TAF3: variants seen among roughly 807,000 people sequenced by gnomAD.
The protein encoded by TAF3 is TATA-box binding protein associated factor 3.
In TAF3, 7 loss-of-function variants were observed where a neutral mutation model predicts 80.6. That is an observed-to-expected ratio of 0.09 (90% CI 0.05 to 0.16). TAF3 has a LOEUF of 0.16. TAF3 is among the 10% of genes least tolerant of loss of function. TAF3 has a pLI of 1.00. For missense variants in TAF3, 921 were observed against 1,140.2 expected, an observed-to-expected ratio of 0.81 and a Z score of 2.77; for synonymous variants, 444 against 446.1, an observed-to-expected ratio of 1.00 and a Z score of 0.06.
At chr10:7,880,218 A>T (rs1291032677) in intron 2 of TAF3, among the ~76,000 whole-genome samples, 2 of 152,206 alleles carry the variant, frequency 1.3e-5, no homozygotes, top group African/African-American at 4.8e-5. Flanking sequence ...AGCCTGGGTG[A>T]CAGAGTGAAA....
chr10:7,923,142 C>G (rs1043311810), intron 2 of TAF3, among the ~76,000 whole-genome samples: 26 of 152,022 alleles, frequency 1.7e-4, no homozygotes, highest in African/African-American at 5.6e-4. Context: ...ACAGAACTCT[C>G]CAATAGCAAA....
intron 3 of TAF3, 130 bp from the exon 4 acceptor site, chr10:7,977,111 G>A (rs1368282783): frequency 9.1e-6 from 7 of 767,510 alleles, no homozygotes; most frequent in Non-Finnish European, 1.5e-5. Flanking sequence ...TTGTCTTTCT[G>A]TCTAAATTTT....
chr10:7,881,215 G>A (rs1029128016), intron 2 of TAF3, among the ~76,000 whole-genome samples: 2 of 151,340 alleles, frequency 1.3e-5, no homozygotes, highest in African/African-American at 4.9e-5. Flanking sequence ...ACTCCAGCCT[G>A]GGCTACAGAA....
chr10:7,874,999 G>T (rs1468314090), intron 2 of TAF3, among the ~76,000 whole-genome samples: 1 of 152,016 alleles, frequency 6.6e-6, no homozygotes, highest in South Asian at 2.1e-4. Context: ...CCTTCAAAAT[G>T]TGCTGTTTTT....
intron 2 of TAF3, among the ~76,000 whole-genome samples, chr10:7,928,844 A>G (rs1837840969): frequency 6.6e-6 from 1 of 152,172 alleles, no homozygotes; most frequent in Non-Finnish European, 1.5e-5. Flanking sequence ...CTTCTTGAAG[A>G]CTGACCTCTG....
intron 2 of TAF3, among the ~76,000 whole-genome samples, chr10:7,858,355 AT>A (rs945368619): frequency 2.6e-5 from 4 of 152,134 alleles, no homozygotes; most frequent in African/African-American, 9.7e-5. Flanking sequence ...CTGTTCCTGA[AT>A]TGTATGTTTA....
At chr10:7,873,652 G>A (rs981287746) in intron 2 of TAF3, among the ~76,000 whole-genome samples, 1 of 119,690 alleles carries the variant, frequency 8.4e-6, no homozygotes, top group Admixed American at 8.1e-5. Context: ...TGTCGAATTT[G>A]AGGGGAGTCC....
Position 7,988,276 on chromosome 10 carries a change from G to A in TAF3, c.2315+10953G>A, listed in dbSNP as rs577273463. On this transcript the variant is annotated intron_variant, in intron 4 of 6. Transcript: ENST00000344293. ...ATAGTCTGGACAACATAGCAAGATC[G>A]TGTCTCTACAAAATATTAAAAAGAT... Among the ~76,000 whole-genome samples the A allele has an allele frequency of 1.4e-4, 22 of 151,974 alleles. 1 individual carries two copies. Among genetic ancestry groups the A allele is most frequent in the Admixed American group, 5.2e-4 (8 of 15,260 alleles).
At chr10:7,933,374 C>A (rs904997564) in intron 2 of TAF3, among the ~76,000 whole-genome samples, 1 of 152,192 alleles carries the variant, frequency 6.6e-6, no homozygotes, top group African/African-American at 2.4e-5. Context: ...ATGCATGGCA[C>A]CCACCTGAGG....
chr10:7,917,243 C>T (rs889473673), intron 2 of TAF3, among the ~76,000 whole-genome samples: 26 of 152,116 alleles, frequency 1.7e-4, no homozygotes, highest in African/African-American at 5.3e-4. Context: ...GAAAAGAGAG[C>T]GAGGATGGAG....
intron 2 of TAF3, among the ~76,000 whole-genome samples, chr10:7,861,467 T>C (rs912059176): frequency 6.6e-6 from 1 of 152,176 alleles, no homozygotes; most frequent in Non-Finnish European, 1.5e-5. Context: ...ATTGTTGATA[T>C]AGGTTCCTTG....
chr10:7,894,290 G>A (rs929720689), intron 2 of TAF3, among the ~76,000 whole-genome samples: 1 of 152,112 alleles, frequency 6.6e-6, no homozygotes, highest in African/African-American at 2.4e-5. Context: ...GGCCCTCAGG[G>A]AACATAGCTG....
At chr10:7,863,864 C>T (rs866859610) in intron 2 of TAF3, among the ~76,000 whole-genome samples, 62 of 150,762 alleles carry the variant, frequency 4.1e-4, no homozygotes, top group South Asian at 6.3e-4. Flanking sequence ...AAACTTTATC[C>T]GTAAATATTT....
chr10:7,948,021 G>A (rs1246546783), intron 2 of TAF3, among the ~76,000 whole-genome samples: 1 of 151,076 alleles, frequency 6.6e-6, no homozygotes, highest in African/African-American at 2.4e-5. Context: ...AGTTTAAATT[G>A]TCTCAAGTGG....
At chr10:7,912,950 C>G (rs1053793037) in intron 2 of TAF3, among the ~76,000 whole-genome samples, 1 of 152,170 alleles carries the variant, frequency 6.6e-6, no homozygotes, top group Non-Finnish European at 1.5e-5. Context: ...GTGGCTTAAG[C>G]AACAGCAGTT....
chr10:8,000,615 T>A (rs1306745005), intron 4 of TAF3, among the ~76,000 whole-genome samples: 2 of 151,698 alleles, frequency 1.3e-5, no homozygotes, highest in Non-Finnish European at 2.9e-5. Flanking sequence ...CACAAAAAAA[T>A]ACGTATACAA....
rs1346989774 is a variant in TAF3, at chr10:7,992,343, A to G, written c.2315+15020A>G. ...TTTAACACATACTGATTTTGATTACATACATAATGTAACCATGTCAAAGGT... is the reference window on the plus strand; with the variant it reads ...TTTAACACATACTGATTTTGATTACGTACATAATGTAACCATGTCAAAGGT... On this transcript the variant is annotated intron_variant, in intron 4 of 6. Coordinates refer to ENST00000344293, the MANE Select transcript of TAF3 (RefSeq NM_031923.4). Among the ~76,000 whole-genome samples the G allele has an allele frequency of 3.3e-5, 5 of 152,348 alleles. No homozygotes were observed. The East Asian group carries it at 9.6e-4, about 29-fold the overall frequency.
At chr10:7,926,071 G>T (rs906172750) in intron 2 of TAF3, among the ~76,000 whole-genome samples, 2 of 152,106 alleles carry the variant, frequency 1.3e-5, no homozygotes, top group African/African-American at 4.8e-5. Flanking sequence ...TTTGCTTTTA[G>T]AAAGGATTTT....
intron 2 of TAF3, among the ~76,000 whole-genome samples, chr10:7,835,076 A>G (rs1337797901): frequency 1.3e-5 from 2 of 152,158 alleles, no homozygotes; most frequent in African/African-American, 4.8e-5. Flanking sequence ...TCTTCTTTAT[A>G]GAAACTATAT....
Sources: allele counts gnomAD v4.1 joint callset (sites outside exome capture counted in the v4.1 genomes callset), GRCh38; gene constraint gnomAD v4.1.1; transcripts MANE v1.5; gene names NCBI Gene and HGNC (gene_info 2026-07-23, HGNC 2026-07-21).